SEMA6D: variants seen among roughly 807,000 people sequenced by gnomAD.
SEMA6D encodes semaphorin 6D.
A neutral mutation model predicts 106.6 loss-of-function variants in SEMA6D; 35 were observed. The observed-to-expected ratio is 0.33, with a 90% CI of 0.25 to 0.44. SEMA6D has a LOEUF of 0.44. SEMA6D is among the 20% of genes least tolerant of loss of function. The pLI is 1.00. For missense variants in SEMA6D, 1,185 were observed against 1,345.9 expected, an observed-to-expected ratio of 0.88 and a Z score of 1.87; for synonymous variants, 499 against 487.7, an observed-to-expected ratio of 1.02 and a Z score of -0.31.
At chr15:47,217,672 T>C (rs919889260) in intron 1 of SEMA6D, among the ~76,000 whole-genome samples, 2 of 151,618 alleles carry the variant, frequency 1.3e-5, no homozygotes, top group African/African-American at 4.8e-5. Context: ...CAGTGTGAGA[T>C]GTTTAGCTTT....
At chr15:47,715,412 T>A (rs1012171109), upstream of SEMA6D, among the ~76,000 whole-genome samples, 2 of 152,198 alleles carry the variant, frequency 1.3e-5, no homozygotes, top group Non-Finnish European at 2.9e-5. Flanking sequence ...AAAAGGAGCG[T>A]TGTTTTCCTA....
chr15:47,689,928 T>C (rs1238666201), intron 4 of SEMA6D, among the ~76,000 whole-genome samples: 1 of 152,234 alleles, frequency 6.6e-6, no homozygotes, highest in African/African-American at 2.4e-5. Flanking sequence ...AGGGGTTTCC[T>C]GGACAGCAAG....
Position 47,767,107 on chromosome 15 carries a change from A to G in SEMA6D, c.1765+14A>G, listed in dbSNP as rs1387860299. The G allele has an allele frequency of 1.3e-6, 2 of 1,510,184 alleles. No homozygotes were observed. Among genetic ancestry groups the G allele is most frequent in the Non-Finnish European group, 9.1e-7 (1 of 1,103,488 alleles). 93.5% of individuals were successfully genotyped at this position (1,510,184 alleles called of 1,614,324 possible). A position where few individuals can be genotyped will look rare whatever the true frequency, so the allele number is the denominator to read the frequency against. On this transcript the variant is annotated intron_variant, in intron 17 of 18. Transcript: ENST00000536845. ...GTCCAACATCTGGTTAGTTTTTTTT[A>G]ATTTTTTTGAATTAACAACCTTTTC... is the stretch of plus-strand genomic sequence containing the variant.
intron 1 of SEMA6D, among the ~76,000 whole-genome samples, chr15:47,396,057 G>T (rs765346978): frequency 2.6e-5 from 4 of 152,118 alleles, no homozygotes; most frequent in Admixed American, 1.3e-4. Context: ...AAACACCAGA[G>T]CTTTTTTTGT....
intron 2 of SEMA6D, among the ~76,000 whole-genome samples, chr15:47,437,631 A>T (rs1012808539): frequency 6.6e-6 from 1 of 152,070 alleles, no homozygotes; most frequent in African/African-American, 2.4e-5. Flanking sequence ...TTAGATACCA[A>T]CCTCCTGGAC....
At chr15:47,652,102 G>A (rs1046721904) in intron 4 of SEMA6D, among the ~76,000 whole-genome samples, 30 of 152,114 alleles carry the variant, frequency 2.0e-4, no homozygotes, top group African/African-American at 6.8e-4. Context: ...CCTTTACTGG[G>A]AAATTATAAC....
intron 1 of SEMA6D, among the ~76,000 whole-genome samples, chr15:47,361,005 G>C (rs979784122): frequency 1.3e-5 from 2 of 152,226 alleles, no homozygotes; most frequent in Non-Finnish European, 2.9e-5. Context: ...CTGCAGGTTT[G>C]TCATGAGGAT....
At chr15:47,749,841 C>A (rs994607670) in intron 1 of SEMA6D, among the ~76,000 whole-genome samples, 3 of 152,016 alleles carry the variant, frequency 2.0e-5, no homozygotes, top group Non-Finnish European at 4.4e-5. Flanking sequence ...AGAACCACAT[C>A]CAACGGGCAA....
intron 3 of SEMA6D, among the ~76,000 whole-genome samples, chr15:47,545,495 C>T (rs1387150617): frequency 4.6e-5 from 7 of 152,234 alleles, no homozygotes; most frequent in Non-Finnish European, 8.8e-5. Context: ...AGTGAGACAT[C>T]ACATTTTCTT....
At chr15:47,278,903 T>G (rs1489110842) in intron 1 of SEMA6D, among the ~76,000 whole-genome samples, 1 of 147,248 alleles carries the variant, frequency 6.8e-6, no homozygotes, top group Non-Finnish European at 1.5e-5. Flanking sequence ...TTCTCAGGTT[T>G]GTCAGAGATC....
At chr15:47,682,414 C>T (rs2078375890) in intron 4 of SEMA6D, among the ~76,000 whole-genome samples, 2 of 151,948 alleles carry the variant, frequency 1.3e-5, no homozygotes, top group South Asian at 2.1e-4. Flanking sequence ...TGATCCGCCC[C>T]CCTCGGCCTC....
chr15:47,506,587 TACACACACACAAAC>T (rs928355054), intron 3 of SEMA6D, among the ~76,000 whole-genome samples: 3 of 94,380 alleles, frequency 3.2e-5, no homozygotes, highest in African/African-American at 1.0e-4. Context: ...CATGGGCATT[TACACACACACAAAC>T]ACACACACAC....
At chr15:47,269,712 T>C (rs2034473378) in intron 1 of SEMA6D, among the ~76,000 whole-genome samples, 1 of 152,084 alleles carries the variant, frequency 6.6e-6, no homozygotes, top group African/African-American at 2.4e-5. Context: ...CATATGGAAA[T>C]AGATGACACG....
chr15:47,507,351 C>T (rs1436044651), intron 3 of SEMA6D, among the ~76,000 whole-genome samples: 1 of 133,358 alleles, frequency 7.5e-6, no homozygotes, highest in South Asian at 3.0e-4. Flanking sequence ...CCCCCCCCAC[C>T]CCCCCGGGCC....
chr15:47,248,089 A>T (rs2033301547), intron 1 of SEMA6D, among the ~76,000 whole-genome samples: 1 of 152,222 alleles, frequency 6.6e-6, no homozygotes, highest in Admixed American at 6.5e-5. Context: ...GTAGTCAGCC[A>T]ACTGAAGCAT....
chr15:47,723,845 G>T (rs1254547317), intron 1 of SEMA6D, among the ~76,000 whole-genome samples: 1 of 152,162 alleles, frequency 6.6e-6, no homozygotes, highest in Non-Finnish European at 1.5e-5. Flanking sequence ...CAATATGTTG[G>T]TACATATATA....
chr15:47,218,739 G>A (rs943291171), intron 1 of SEMA6D, among the ~76,000 whole-genome samples: 11 of 152,114 alleles, frequency 7.2e-5, no homozygotes, highest in African/African-American at 2.7e-4. Flanking sequence ...CTTGCTCTGT[G>A]CCAGACACTG....
Position 47,768,581 on chromosome 15 carries a change from A to G in SEMA6D, c.1766A>G (p.Asp589Gly), listed in dbSNP as rs1267807232. 6.2e-7 allele frequency: 1 copy of G among 1,608,480 alleles called. No individual in the cohort carries two copies. Among genetic ancestry groups the G allele is most frequent in the East Asian group, 2.2e-5 (1 of 44,756 alleles). Residue 589 changes from aspartate to glycine, a missense_variant and splice_region_variant, in exon 18 of 19, where the codon GAC becomes GGC. By Grantham distance (94) the Asp-to-Gly change is moderately conservative. Around this residue, in one of 3 missense-constraint regions of SEMA6D, gnomAD observed 750 missense variants for 783.5 expected, o/e 0.96. Transcript: ENST00000536845. ...DYKIFGGPTS[D>G]MEVSSSSVTT... Reference sequence around the variant, plus strand: ...AATAAAAATCTGTTTGCCACCACAGACATGGAGGTATCTTCATCTTCTGTT... The same window carrying G: ...AATAAAAATCTGTTTGCCACCACAGGCATGGAGGTATCTTCATCTTCTGTT...
rs115407579 is a variant in SEMA6D, at chr15:47,452,051, G to T, written c.-158-18423G>T. Among the ~76,000 whole-genome samples, 1,360 of 152,022 alleles carry T rather than the reference G, an allele frequency of 8.9e-3. 20 individuals carry two copies. Among genetic ancestry groups the T allele is most frequent in the African/African-American group, 0.031 (1,306 of 41,484 alleles). On this transcript the variant is annotated intron_variant, in intron 2 of 19. Coordinates refer to the SEMA6D transcript ENST00000558014. ...TGGTATCTTGTGTTGTTCATACGTA[G>T]ACCTCAGTTACTACTTCTTTTCCTG...
Sources: allele counts gnomAD v4.1 joint callset (sites outside exome capture counted in the v4.1 genomes callset), GRCh38; gene constraint gnomAD v4.1.1; regional missense constraint gnomAD v4.1.1; transcripts MANE v1.5; gene names NCBI Gene and HGNC (gene_info 2026-07-23, HGNC 2026-07-21).